Variants in REV3L observed in about 807,000 individuals in gnomAD.
The protein encoded by REV3L is REV3 like, DNA directed polymerase zeta catalytic subunit.
Under a neutral mutation model 299.4 loss-of-function variants are expected in REV3L, and 69 were observed. The observed-to-expected ratio is 0.23, with a 90% CI of 0.19 to 0.28. The LOEUF is 0.28. Among genes scored for constraint, REV3L ranks in the 10% least tolerant of loss-of-function variants. REV3L has a pLI of 1.00. For synonymous variants in REV3L, 1,238 were observed against 1,271.4 expected, an observed-to-expected ratio of 0.97 and a Z score of 0.56; for missense variants, 3,128 against 3,693.8, an observed-to-expected ratio of 0.85 and a Z score of 3.97.
At chr6:111,481,946 C>T (rs1793735334) in intron 1 of REV3L, among the ~76,000 whole-genome samples, 3 of 152,148 alleles carry the variant, frequency 2.0e-5, no homozygotes, top group Admixed American at 2.0e-4. Context: ...TACAGCCCAG[C>T]CTAGGAGCAT....
chr6:111,392,813 C>A, intron 5 of REV3L, 63 bp downstream of exon 5: 1 of 1,038,784 alleles, frequency 9.6e-7, no homozygotes, highest in South Asian at 1.3e-5. Flanking sequence ...ATGGTAACCA[C>A]TGATTTCTGA....
intron 12 of REV3L, 111 bp from the exon 13 acceptor site, chr6:111,376,868 A>T: frequency 1.2e-6 from 1 of 830,692 alleles, no homozygotes; most frequent in South Asian, 2.3e-5. Context: ...ACATCAAATT[A>T]AGTTTGGTTA....
At chr6:111,321,244 G>A (rs946546475) in intron 26 of REV3L, among the ~76,000 whole-genome samples, 1 of 151,998 alleles carries the variant, frequency 6.6e-6, no homozygotes, top group Non-Finnish European at 1.5e-5. Flanking sequence ...AATCCCTTCC[G>A]GCTCTGACAT....
chr6:111,370,522 T>C (rs1304628858), intron 13 of REV3L, among the ~76,000 whole-genome samples: 1 of 152,214 alleles, frequency 6.6e-6, no homozygotes, highest in African/African-American at 2.4e-5. Context: ...TTATTGTGTA[T>C]ATTTAAGGTA....
intron 1 of REV3L, among the ~76,000 whole-genome samples, chr6:111,482,513 G>A (rs1297566266): frequency 6.6e-6 from 1 of 151,634 alleles, no homozygotes; most frequent in African/African-American, 2.4e-5. Context: ...AACACGCGGC[G>A]CTCGCCACCT....
At chr6:111,328,376 A>G (rs1406615190) in intron 25 of REV3L, among the ~76,000 whole-genome samples, 1 of 152,190 alleles carries the variant, frequency 6.6e-6, no homozygotes, top group Non-Finnish European at 1.5e-5. Flanking sequence ...AGTTGGGATC[A>G]CAAGTGTGAG....
intron 1 of REV3L, among the ~76,000 whole-genome samples, chr6:111,466,476 C>T (rs1381381012): frequency 6.6e-6 from 1 of 152,030 alleles, no homozygotes; most frequent in African/African-American, 2.4e-5. Context: ...AGTTTAATAC[C>T]AGCTTTTCAG....
At chr6:111,429,093 T>TA (rs927466570) in intron 1 of REV3L, among the ~76,000 whole-genome samples, 1 of 152,144 alleles carries the variant, frequency 6.6e-6, no homozygotes. Context: ...CAACGTGCTT[T>TA]AAAAAAATGC....
intron 21 of REV3L, among the ~76,000 whole-genome samples, chr6:111,339,560 T>C (rs1463833249): frequency 6.6e-6 from 1 of 152,072 alleles, no homozygotes; most frequent in Non-Finnish European, 1.5e-5. Context: ...CCAAGTAATA[T>C]AAACAAATTA....
chr6:111,446,333 T>C (rs1450490609), intron 1 of REV3L, among the ~76,000 whole-genome samples: 2 of 152,186 alleles, frequency 1.3e-5, no homozygotes, highest in African/African-American at 4.8e-5. Flanking sequence ...TAAAGGTGGT[T>C]CCTATTAATA....
chr6:111,401,704 CA>C (rs1446739412), intron 4 of REV3L, among the ~76,000 whole-genome samples: 1 of 149,284 alleles, frequency 6.7e-6, no homozygotes, highest in Non-Finnish European at 1.5e-5. Context: ...AGTTTAAATG[CA>C]TAAGTTGTTC....
chr6:111,400,545 C>G (rs1435437910), intron 4 of REV3L, among the ~76,000 whole-genome samples: 1 of 152,154 alleles, frequency 6.6e-6, no homozygotes, highest in East Asian at 1.9e-4. Flanking sequence ...GTCTTTTGAC[C>G]ATTTTTAATT....
chr6:111,460,745 T>C (rs1790671063), intron 1 of REV3L, among the ~76,000 whole-genome samples: 1 of 152,110 alleles, frequency 6.6e-6, no homozygotes. Context: ...TTTTCTTATT[T>C]GCAATTGTTC....
At chr6:111,339,201 C>G (rs1006930564) in intron 21 of REV3L, among the ~76,000 whole-genome samples, 2 of 152,046 alleles carry the variant, frequency 1.3e-5, no homozygotes, top group Non-Finnish European at 2.9e-5. Context: ...TTATTGAGAG[C>G]CTTCTGTGTG....
chr6:111,351,789 T>C lies in REV3L; in HGVS notation c.7187A>G (p.Tyr2396Cys), dbSNP rs769739539. 2 of 1,600,262 alleles carry C rather than the reference T, an allele frequency of 1.2e-6. No homozygotes were observed. Among genetic ancestry groups the C allele is most frequent in the Non-Finnish European group, 8.6e-7 (1 of 1,169,266 alleles). The change falls in exon 19 of 32, where the codon TAT (tyrosine) becomes TGT (cysteine). Residue 2396 changes from tyrosine (Y) to cysteine (C), a missense_variant and splice_region_variant. This residue lies in a region of REV3L where 82 missense variants were observed against 142.7 expected (regional missense o/e 0.57). Coordinates refer to ENST00000368802, the MANE Select transcript of REV3L (RefSeq NM_001372078.1). ...FHEIANIIKR[Y>C]DPDILLGYEI... is the part of the protein sequence containing the mutation. ...ATATCCTAGCAGAATATCAGGATCA[T>C]ACCTAAAAAAGGAATTTAAAAAAGT...
At chr6:111,310,357 A>G (rs1201730909) in intron 29 of REV3L, 4 of 282,890 alleles carry the variant, frequency 1.4e-5, no homozygotes, top group Non-Finnish European at 2.5e-5. Flanking sequence ...GCAGATATCA[A>G]CTAGCTTAAG....
rs1157122910 is a variant in REV3L at position 111,375,106 on chromosome 6, A to C, written c.3249T>G (p.Ala1083=). ...AAGATGGTGAGGGAGGAGAAAGAAT[A>C]GCATGTGACCGTTTTTTCCTGAAAG... ...TLSFRKKRSH[A]ILSPPSPSYN... The change falls in exon 13 of 32, where the codon GCT becomes GCG. Residue 1083 remains alanine (A), a synonymous_variant. Coordinates refer to ENST00000368802, the MANE Select transcript of REV3L (RefSeq NM_001372078.1). The C allele has an allele frequency of 6.2e-7, 1 of 1,612,418 alleles. No individual in the cohort carries two copies. Among genetic ancestry groups the C allele is most frequent in the Non-Finnish European group, 8.5e-7 (1 of 1,179,552 alleles).
At chr6:111,341,209 G>A (rs758198454) in intron 21 of REV3L, among the ~76,000 whole-genome samples, 13 of 151,944 alleles carry the variant, frequency 8.6e-5, no homozygotes, top group Non-Finnish European at 8.8e-5. Context: ...ACCATGCCCG[G>A]CTAATTTTTT....
intron 3 of REV3L, among the ~76,000 whole-genome samples, chr6:111,409,043 T>C (rs11153294): frequency 0.4 from 60,653 of 152,136 alleles, 14,616 homozygotes; most frequent in Non-Finnish European, 0.54. Flanking sequence ...TGTTTTAAAC[T>C]ATATTTTTCA....
Sources: gnomAD v4.1 joint callset for allele counts (sites outside exome capture counted in the v4.1 genomes callset) on GRCh38, gnomAD v4.1.1 for gene constraint, gnomAD v4.1.1 regional missense constraint, MANE v1.5 for transcripts, NCBI Gene and HGNC (gene_info 2026-07-23, HGNC 2026-07-21) for gene names.